GCNT1: variants seen among roughly 807,000 people sequenced by gnomAD.
The protein encoded by GCNT1 is glucosaminyl (N-acetyl) transferase 1.
GCNT1 carries 16 observed loss-of-function variants against 26.2 expected under a neutral mutation model. The ratio of observed to expected loss-of-function variants is 0.61; its 90% CI spans 0.41 to 0.93. The LOEUF (loss-of-function observed/expected upper bound fraction) is 0.93. Among genes scored for constraint, GCNT1 ranks in the 40% least tolerant of loss-of-function variants. The pLI, the probability that GCNT1 is intolerant of heterozygous loss-of-function variation, is 0.00. For missense variants in GCNT1, 477 were observed against 526.7 expected (o/e 0.91, Z 0.92); for synonymous variants, 183 against 190.8 (o/e 0.96, Z 0.34).
upstream of GCNT1, among the ~76,000 whole-genome samples, chr9:76,418,508 G>A (rs1356015501): frequency 3.9e-5 from 6 of 152,192 alleles, no homozygotes; most frequent in Non-Finnish European, 7.3e-5. Context: ...CAGACGGTTG[G>A]TTGGTGGGCC....
upstream of GCNT1, among the ~76,000 whole-genome samples, chr9:76,457,218 C>A (rs1823771119): frequency 6.6e-6 from 1 of 152,098 alleles, no homozygotes; most frequent in African/African-American, 2.4e-5. Context: ...TGAGCCATTG[C>A]AAACAGCCAG....
chr9:76,476,834 A>G lies in GCNT1; in HGVS notation c.-290+16657A>G, dbSNP rs571936957. On this transcript the variant is annotated intron_variant, in intron 2 of 3. Coordinates refer to ENST00000376730, the MANE Select transcript of GCNT1 (RefSeq NM_001490.5). ...TAAACTCAAAAAGGTTATTTTTCAG[A>G]CAACCTGCGGTCATACCTACTTATA... Among the ~76,000 whole-genome samples the G allele has an allele frequency of 3.9e-5, 6 of 152,338 alleles. No individual in the cohort carries two copies. In the South Asian group the frequency reaches 1.0e-3, roughly 26 times the overall value.
chr9:76,398,444 C>T, the GCNT1 span, among the ~76,000 whole-genome samples: 2 of 152,206 alleles, frequency 1.3e-5, no homozygotes, highest in African/African-American at 4.8e-5. Flanking sequence ...TGTAGAGCAA[C>T]AGGAACTTTC....
intron 1 of GCNT1, among the ~76,000 whole-genome samples, chr9:76,421,108 A>G (rs1823184610): frequency 6.6e-6 from 1 of 152,192 alleles, no homozygotes; most frequent in South Asian, 2.1e-4. Context: ...AAGTGGAAAA[A>G]TAGGGGATAG....
chr9:76,449,063 G>A (rs903846322), intron 1 of GCNT1, among the ~76,000 whole-genome samples: 25 of 152,120 alleles, frequency 1.6e-4, no homozygotes, highest in African/African-American at 5.6e-4. Context: ...CATGGTGGCA[G>A]GGCCTATAAT....
Position 76,421,593 on chromosome 9 carries a change from C to T in GCNT1, n.38+1706C>T, listed in dbSNP as rs1043488614. On this transcript the variant is annotated intron_variant and non_coding_transcript_variant, in intron 1 of 3. Transcript: ENST00000488136. The stretch of plus-strand genomic sequence containing the variant: ...TCCAGCCTGGATGAGAGAGCAAGGC[C>T]CTGTCTCAAAAAAAAAAAAAAAAAA... Among the ~76,000 whole-genome samples, 26 of 121,294 alleles carry T rather than the reference C, an allele frequency of 2.1e-4. No individual in the cohort carries two copies. The East Asian group carries it at 5.2e-3, about 24-fold the overall frequency. The allele number at this position is 121,294 out of a possible 152,430, so 79.6% of individuals were successfully genotyped here.
chr9:76,483,541 A>T (rs1240835270), intron 2 of GCNT1, among the ~76,000 whole-genome samples: 1 of 152,070 alleles, frequency 6.6e-6, no homozygotes. Flanking sequence ...CAGCCTTCTG[A>T]GTAGCTGGGT....
At chr9:76,445,883 G>A (rs902719121) in intron 1 of GCNT1, among the ~76,000 whole-genome samples, 2 of 152,018 alleles carry the variant, frequency 1.3e-5, no homozygotes, top group African/African-American at 4.8e-5. Context: ...AAGAGGCTGA[G>A]GAGGGAGGAT....
the GCNT1 span, among the ~76,000 whole-genome samples, chr9:76,408,678 A>ATTTTC: frequency 2.2e-3 from 328 of 151,794 alleles, 3 homozygotes; most frequent in East Asian, 0.037. Flanking sequence ...CTCCGCTTCT[A>ATTTTC]TTTTCTTTTC....
intron 1 of GCNT1, among the ~76,000 whole-genome samples, chr9:76,432,583 G>A (rs1027373491): frequency 7.9e-5 from 12 of 152,164 alleles, no homozygotes; most frequent in South Asian, 2.1e-4. Context: ...TAGGTGATCC[G>A]CCTGCCTGGG....
chr9:76,415,204 C>T (rs186426495), upstream of GCNT1, among the ~76,000 whole-genome samples: 68 of 152,164 alleles, frequency 4.5e-4, no homozygotes, highest in Middle Eastern at 3.4e-3. Context: ...GCTACAGGCA[C>T]GCACCACATA....
chr9:76,408,653 G>A, the GCNT1 span, among the ~76,000 whole-genome samples: 2 of 152,174 alleles, frequency 1.3e-5, no homozygotes, highest in Admixed American at 6.6e-5. Flanking sequence ...CATAGAATGA[G>A]TTAGAAACCA....
intron 2 of GCNT1, among the ~76,000 whole-genome samples, chr9:76,480,395 A>G (rs997936712): frequency 1.3e-5 from 2 of 152,142 alleles, no homozygotes; most frequent in Non-Finnish European, 2.9e-5. Flanking sequence ...TGTGAAAAAA[A>G]GTCATTGGTA....
intron 1 of GCNT1, among the ~76,000 whole-genome samples, chr9:76,444,968 A>G (rs1195081131): frequency 1.3e-5 from 2 of 152,244 alleles, no homozygotes; most frequent in African/African-American, 2.4e-5. Flanking sequence ...CTAGAGGGAC[A>G]CAGGTAAGAG....
At chr9:76,426,293 AT>A (rs1168763010) in intron 1 of GCNT1, among the ~76,000 whole-genome samples, 1 of 152,148 alleles carries the variant, frequency 6.6e-6, no homozygotes, top group Admixed American at 6.5e-5. Flanking sequence ...CTCAGTTATA[AT>A]TTTGCAATGG....
At chr9:76,436,777 T>G (rs1823416753), upstream of GCNT1, among the ~76,000 whole-genome samples, 1 of 152,158 alleles carries the variant, frequency 6.6e-6, no homozygotes, top group Non-Finnish European at 1.5e-5. Context: ...AGGCAATGGA[T>G]AGTTGAATGC....
At chr9:76,398,994 T>A in the GCNT1 span, 1 of 1,549,272 alleles carries the variant, frequency 6.5e-7, no homozygotes. Flanking sequence ...GCCACTCCAA[T>A]TGCTGGCCAC....
intron 2 of GCNT1, among the ~76,000 whole-genome samples, chr9:76,465,796 G>A (rs556767305): frequency 2.6e-5 from 4 of 152,316 alleles, no homozygotes; most frequent in Non-Finnish European, 4.4e-5. Flanking sequence ...GCAAGAAGGT[G>A]GTGATTATTT....
At chr9:76,415,816 T>C (rs750577633), upstream of GCNT1, among the ~76,000 whole-genome samples, 2 of 152,198 alleles carry the variant, frequency 1.3e-5, no homozygotes, top group Non-Finnish European at 2.9e-5. Flanking sequence ...CCCAAAACCC[T>C]GAGACTTCCT....
Sources: gnomAD v4.1 joint callset for allele counts (sites outside exome capture counted in the v4.1 genomes callset) on GRCh38, gnomAD v4.1.1 for gene constraint, MANE v1.5 for transcripts, NCBI Gene and HGNC (gene_info 2026-07-23, HGNC 2026-07-21) for gene names.